The following EPHA4 variants were observed in gnomAD, a reference collection of about 807,000 sequenced individuals.
EPHA4 encodes EPH receptor A4.
In EPHA4, 19 loss-of-function variants were observed where a neutral mutation model predicts 108.3. That is an observed-to-expected ratio of 0.18 (90% confidence interval 0.12 to 0.26). EPHA4 has a LOEUF of 0.26. Among genes scored for constraint, EPHA4 ranks in the 10% least tolerant of loss-of-function variants. EPHA4 has a pLI of 1.00. For missense variants in EPHA4, 917 were observed against 1,254.0 expected, an observed-to-expected ratio of 0.73 and a Z score of 4.06; for synonymous variants, 449 against 455.5, an observed-to-expected ratio of 0.99 and a Z score of 0.18.
chr2:221,485,354 C>A (rs948831618), intron 4 of EPHA4, among the ~76,000 whole-genome samples: 4 of 152,174 alleles, frequency 2.6e-5, no homozygotes, highest in African/African-American at 4.8e-5. Flanking sequence ...TAAGCTAGGG[C>A]AGCCTTCTTC....
chr2:221,443,344 T>C (rs1052984757), intron 10 of EPHA4, 149 bp downstream of exon 10: 3 of 601,596 alleles, frequency 5.0e-6, no homozygotes, highest in Non-Finnish European at 8.6e-6. Context: ...GAGTTCTTTA[T>C]AACACATGAT....
chr2:221,452,529 G>A (rs1366265313), intron 8 of EPHA4, among the ~76,000 whole-genome samples: 2 of 152,234 alleles, frequency 1.3e-5, no homozygotes, highest in South Asian at 4.1e-4. Context: ...AATTGGCTGA[G>A]TGTGCATGAG....
intron 3 of EPHA4, among the ~76,000 whole-genome samples, chr2:221,556,107 CGT>C (rs1202460089): frequency 2.6e-5 from 4 of 152,042 alleles, no homozygotes; most frequent in Non-Finnish European, 5.9e-5. Flanking sequence ...AGAATGTTTT[CGT>C]GTGTGTGAGT....
chr2:221,441,169 C>CCTAATGT (rs966575911), intron 11 of EPHA4, among the ~76,000 whole-genome samples: 9 of 151,498 alleles, frequency 5.9e-5, no homozygotes, highest in African/African-American at 2.2e-4. Context: ...CTGCCCCAGG[C>CCTAATGT]CTAATGTCTC....
chr2:221,436,668 A>C, intron 12 of EPHA4, 60 bp from the exon 13 acceptor site: 1 of 1,500,104 alleles, frequency 6.7e-7, no homozygotes, highest in Non-Finnish European at 9.2e-7. Context: ...AATTCTCACC[A>C]AGCATTTATT....
At chr2:221,446,066 A>G in intron 9 of EPHA4, 57 bp downstream of exon 9, 2 of 1,142,980 alleles carry the variant, frequency 1.7e-6, no homozygotes, top group Middle Eastern at 2.3e-4. Flanking sequence ...ACATGTTTAA[A>G]CTAGAAAACG....
At chr2:221,562,800 T>C (rs1373654753) in intron 3 of EPHA4, among the ~76,000 whole-genome samples, 1 of 152,194 alleles carries the variant, frequency 6.6e-6, no homozygotes, top group East Asian at 1.9e-4. Flanking sequence ...GGAATTACTC[T>C]CATCTCTTAC....
chr2:221,421,413 G>C, intron 17 of EPHA4, among the ~76,000 whole-genome samples: 1 of 152,216 alleles, frequency 6.6e-6, no homozygotes. Flanking sequence ...AATCTAACAT[G>C]GCGAAAGAGC....
At chr2:221,429,810 A>T in intron 15 of EPHA4, 148 bp downstream of exon 15, 1 of 723,402 alleles carries the variant, frequency 1.4e-6, no homozygotes. Flanking sequence ...TACCTGAAAT[A>T]CTCTACTAAT....
intron 3 of EPHA4, among the ~76,000 whole-genome samples, chr2:221,509,515 G>A (rs1344030766): frequency 1.3e-5 from 2 of 152,170 alleles, no homozygotes; most frequent in South Asian, 4.1e-4. Flanking sequence ...GTACTGAGTT[G>A]CTTGGCTCTG....
chr2:221,476,777 AAAT>A (rs2106135953), intron 5 of EPHA4, among the ~76,000 whole-genome samples: 1 of 152,304 alleles, frequency 6.6e-6, no homozygotes, highest in Non-Finnish European at 1.5e-5. Context: ...TATCCCACTC[AAAT>A]AACATAATAT....
chr2:221,517,271 C>T (rs1693016700), intron 3 of EPHA4, among the ~76,000 whole-genome samples: 1 of 152,242 alleles, frequency 6.6e-6, no homozygotes, highest in Middle Eastern at 3.4e-3. Flanking sequence ...AGAAGGCCTA[C>T]AGTAGGCATG....
intron 9 of EPHA4, 31 bp downstream of exon 9, chr2:221,446,092 A>G: frequency 1.3e-6 from 2 of 1,483,094 alleles, no homozygotes; most frequent in East Asian, 2.5e-5. Context: ...CATGCTCTAA[A>G]AATAGAATTT....
At chr2:221,514,822 T>C (rs759192476) in intron 3 of EPHA4, among the ~76,000 whole-genome samples, 5 of 152,148 alleles carry the variant, frequency 3.3e-5, no homozygotes, top group Non-Finnish European at 5.9e-5. Flanking sequence ...TGTTTGGTCA[T>C]GAGAGAAGAA....
intron 3 of EPHA4, among the ~76,000 whole-genome samples, chr2:221,522,770 ATTATTT>A (rs1382355341): frequency 2.5e-4 from 32 of 128,230 alleles, no homozygotes; most frequent in South Asian, 4.6e-4. Context: ...TATTATTATT[ATTATTT>A]TTTTGAGACG....
At chr2:221,559,161 T>C (rs1353467020) in intron 3 of EPHA4, among the ~76,000 whole-genome samples, 1 of 152,250 alleles carries the variant, frequency 6.6e-6, no homozygotes, top group African/African-American at 2.4e-5. Context: ...CTTTTGTTGA[T>C]ATGAGTACAT....
chr2:221,568,605 C>G, intron 2 of EPHA4, 113 bp downstream of exon 2: 2 of 755,300 alleles, frequency 2.6e-6, no homozygotes, highest in Admixed American at 5.7e-5. Flanking sequence ...TAGGCCACAG[C>G]GGAAATCTGA....
chr2:221,558,291 T>G (rs1330880938), intron 3 of EPHA4, among the ~76,000 whole-genome samples: 6 of 152,170 alleles, frequency 3.9e-5, no homozygotes, highest in African/African-American at 1.4e-4. Flanking sequence ...TGTGTGTGTA[T>G]GTATGGGTGG....
intron 3 of EPHA4, among the ~76,000 whole-genome samples, chr2:221,547,693 T>C (rs1694039762): frequency 6.6e-6 from 1 of 152,188 alleles, no homozygotes. Flanking sequence ...TCTCACCTTA[T>C]ATAAGAATGC....
Sources: allele counts gnomAD v4.1 joint callset (sites outside exome capture counted in the v4.1 genomes callset), GRCh38; gene constraint gnomAD v4.1.1; transcripts MANE v1.5; gene names NCBI Gene and HGNC (gene_info 2026-07-23, HGNC 2026-07-21).